Variants in AUTS2 observed in about 807,000 individuals in gnomAD.
AUTS2 encodes the protein activator of transcription and developmental regulator AUTS2.
In AUTS2, 17 loss-of-function variants were observed where a neutral mutation model predicts 112.4. The ratio of observed to expected loss-of-function variants is 0.15; its 90% confidence interval spans 0.10 to 0.23. The LOEUF (loss-of-function observed/expected upper bound fraction) is 0.23, where lower values mean the gene tolerates loss of function less well. AUTS2 is among the 10% of genes least tolerant of loss of function. AUTS2 has a pLI of 1.00. For missense variants in AUTS2, 1,510 were observed against 1,701.6 expected (o/e 0.89, Z 1.98); for synonymous variants, 751 against 702.7 (o/e 1.07, Z -1.09).
At chr7:70,144,574 C>CT (rs988282300) in intron 4 of AUTS2, among the ~76,000 whole-genome samples, 5 of 152,104 alleles carry the variant, frequency 3.3e-5, no homozygotes, top group Admixed American at 6.6e-5. Context: ...AAATTGCCCA[C>CT]TTTACTAATT....
intron 4 of AUTS2, among the ~76,000 whole-genome samples, chr7:70,286,139 T>G (rs140048073): frequency 1.1e-3 from 160 of 152,272 alleles, no homozygotes; most frequent in African/African-American, 3.8e-3. Context: ...AGCAAAATGT[T>G]CTCAGAGAAT....
intron 5 of AUTS2, among the ~76,000 whole-genome samples, chr7:70,656,373 T>C (rs1011103937): frequency 5.2e-4 from 79 of 152,278 alleles, no homozygotes; most frequent in African/African-American, 1.8e-3. Context: ...TTAAATATTA[T>C]TTAATTCCAT....
intron 5 of AUTS2, among the ~76,000 whole-genome samples, chr7:70,599,125 C>T (rs544911709): frequency 2.0e-5 from 3 of 152,336 alleles, no homozygotes; most frequent in Non-Finnish European, 4.4e-5. Context: ...CACTTGTCTG[C>T]TGGTTGCACA....
At chr7:70,399,379 C>T (rs1382683887) in intron 4 of AUTS2, among the ~76,000 whole-genome samples, 1 of 152,044 alleles carries the variant, frequency 6.6e-6, no homozygotes, top group African/African-American at 2.4e-5. Context: ...ACATACATTG[C>T]TAAGGTCTTT....
chr7:69,977,384 A>G (rs1563009625), intron 2 of AUTS2, among the ~76,000 whole-genome samples: 1 of 152,126 alleles, frequency 6.6e-6, no homozygotes, highest in African/African-American at 2.4e-5. Context: ...TAAGTCCTTT[A>G]ACTTTGTTCT....
chr7:70,426,548 C>T (rs573936517), intron 4 of AUTS2, among the ~76,000 whole-genome samples: 6 of 152,242 alleles, frequency 3.9e-5, no homozygotes, highest in East Asian at 1.9e-4. Flanking sequence ...TCTCATTTAA[C>T]GGCACCTGTG....
At chr7:70,110,848 T>C (rs1244174153) in intron 2 of AUTS2, among the ~76,000 whole-genome samples, 2 of 145,440 alleles carry the variant, frequency 1.4e-5, no homozygotes, top group East Asian at 4.2e-4. Context: ...AATACCTAAC[T>C]TTCTTTCTTT....
intron 5 of AUTS2, among the ~76,000 whole-genome samples, chr7:70,491,497 T>A (rs964129639): frequency 6.8e-6 from 1 of 147,314 alleles, no homozygotes; most frequent in Non-Finnish European, 1.5e-5. Context: ...TATATACACA[T>A]AATATATATG....
Position 69,599,184 on chromosome 7 carries a change from G to C in AUTS2, c.-470G>C, listed in dbSNP as rs890232996. The C allele has an allele frequency of 3.3e-5, 5 of 152,022 alleles. No homozygotes were observed. The highest frequency in any genetic ancestry group is 1.2e-4 in the African/African-American group (5 of 41,128). The allele number at this position is 152,022 out of a possible 1,614,324, so 9.4% of individuals were successfully genotyped here. ...CCCGATTTTGGATCGAGTTGAGGGG[G>C]GCGCGGGCGTTTTCGGGGGGCGGGG... On this transcript the variant is annotated 5_prime_UTR_variant, in exon 1 of 19. Coordinates refer to ENST00000342771, the MANE Select transcript of AUTS2 (RefSeq NM_015570.4). This position sits in a 1 kb window ranked among gnomAD's most constrained non-coding sequence, Gnocchi z 7.0.
intron 1 of AUTS2, among the ~76,000 whole-genome samples, chr7:69,705,336 A>G (rs1798019336): frequency 6.6e-6 from 1 of 152,230 alleles, no homozygotes; most frequent in Admixed American, 6.5e-5. Context: ...GCTAGTACTA[A>G]GAGCTGATCC....
intron 2 of AUTS2, among the ~76,000 whole-genome samples, chr7:69,962,576 C>T (rs1419466283): frequency 6.6e-6 from 1 of 152,100 alleles, no homozygotes; most frequent in Non-Finnish European, 1.5e-5. Context: ...TTTAGCTTTA[C>T]TGTTAAGCTA....
chr7:69,737,025 T>C (rs1787058494), intron 1 of AUTS2, among the ~76,000 whole-genome samples: 2 of 152,186 alleles, frequency 1.3e-5, no homozygotes, highest in Non-Finnish European at 2.9e-5. Context: ...TGTCAGGCCA[T>C]GCTGCATGCC....
chr7:70,436,095 T>C (rs754247028), intron 5 of AUTS2: 3 of 280,138 alleles, frequency 1.1e-5, no homozygotes, highest in Non-Finnish European at 2.0e-5. Flanking sequence ...AATAACCATC[T>C]GATTTTTAAA....
At chr7:70,274,737 A>G (rs954240919) in intron 4 of AUTS2, among the ~76,000 whole-genome samples, 7 of 152,206 alleles carry the variant, frequency 4.6e-5, no homozygotes, top group African/African-American at 1.2e-4. Context: ...TCTCTGATCT[A>G]ATCCATCCTC....
chr7:69,628,460 C>A (rs1007207310), intron 1 of AUTS2, among the ~76,000 whole-genome samples: 1 of 152,086 alleles, frequency 6.6e-6, no homozygotes, highest in African/African-American at 2.4e-5. Flanking sequence ...TAATAATGAA[C>A]ATTTGTCGTA....
At chr7:70,239,566 G>A (rs1017900725) in intron 4 of AUTS2, among the ~76,000 whole-genome samples, 1 of 152,118 alleles carries the variant, frequency 6.6e-6, no homozygotes, top group Non-Finnish European at 1.5e-5. Context: ...CTCCTGAGTA[G>A]CTGAAATTAC....
At chr7:70,214,947 G>C (rs1478480227) in intron 4 of AUTS2, among the ~76,000 whole-genome samples, 3 of 152,156 alleles carry the variant, frequency 2.0e-5, no homozygotes, top group Non-Finnish European at 4.4e-5. Context: ...ATATCCAGAA[G>C]TTTCCAAGAC....
At chr7:69,601,136 C>T (rs1405317559) in intron 1 of AUTS2, among the ~76,000 whole-genome samples, 4 of 152,060 alleles carry the variant, frequency 2.6e-5, no homozygotes, top group Admixed American at 2.6e-4. Flanking sequence ...TCCCCACCCC[C>T]CACACACCAT....
intron 1 of AUTS2, among the ~76,000 whole-genome samples, chr7:69,859,985 A>G (rs967112139): frequency 6.6e-6 from 1 of 152,154 alleles, no homozygotes; most frequent in African/African-American, 2.4e-5. Flanking sequence ...GGGAGACTGA[A>G]GAGACATTCA....
Sources: gnomAD v4.1 joint callset for allele counts (sites outside exome capture counted in the v4.1 genomes callset) on GRCh38, gnomAD v4.1.1 for gene constraint, Gnocchi (gnomAD v3.1) non-coding constraint, MANE v1.5 for transcripts, NCBI Gene and HGNC (gene_info 2026-07-23, HGNC 2026-07-21) for gene names.